GRM7: variants seen among roughly 807,000 people sequenced by gnomAD.
GRM7 encodes the protein glutamate metabotropic receptor 7.
In GRM7, 35 loss-of-function variants were observed where a neutral mutation model predicts 84.5. That is an observed-to-expected ratio of 0.41 (90% CI 0.32 to 0.55). GRM7 has a LOEUF of 0.55. Among genes scored for constraint, GRM7 ranks in the 20% least tolerant of loss-of-function variants. GRM7 has a pLI of 0.19. For missense variants in GRM7, 1,003 were observed against 1,194.6 expected (o/e 0.84, Z 2.36); for synonymous variants, 487 against 455.1 (o/e 1.07, Z -0.89).
At chr3:7,088,977 TGAGAA>T (rs1698561894) in intron 1 of GRM7, among the ~76,000 whole-genome samples, 1 of 152,098 alleles carries the variant, frequency 6.6e-6, no homozygotes, top group Non-Finnish European at 1.5e-5. Context: ...TTGCTCAAGC[TGAGAA>T]GAGAAAAGCC....
chr3:7,379,386 C>T (rs1252408829), intron 4 of GRM7, among the ~76,000 whole-genome samples: 2 of 152,130 alleles, frequency 1.3e-5, no homozygotes, highest in Non-Finnish European at 2.9e-5. Flanking sequence ...AGCCACCATG[C>T]CCAGACTCTT....
In GRM7 at chr3:7,154,441, C is replaced by T. The variant is rs145161077; in HGVS notation, c.736+7773C>T. 2.0e-3 allele frequency among the ~76,000 whole-genome samples: 311 copies of T among 152,206 alleles called. 2 individuals are homozygous for T. Among genetic ancestry groups the T allele is most frequent in the African/African-American group, 7.2e-3 (299 of 41,532 alleles). On this transcript the variant is annotated intron_variant, in intron 2 of 9. Coordinates refer to ENST00000357716, the MANE Select transcript of GRM7 (RefSeq NM_000844.4). ...AAAATAGTGAAAAATCATGTCTCAG[C>T]GATTCCTCCTCATCTCTTCTGCCTG...
intron 1 of GRM7, among the ~76,000 whole-genome samples, chr3:7,079,107 C>T (rs757466678): frequency 2.6e-5 from 4 of 152,028 alleles, no homozygotes; most frequent in African/African-American, 7.2e-5. Flanking sequence ...ATGTTCTCTA[C>T]GTTCATTTAT....
At chr3:6,959,244 G>A (rs1693197022) in intron 1 of GRM7, among the ~76,000 whole-genome samples, 1 of 152,144 alleles carries the variant, frequency 6.6e-6, no homozygotes, top group Non-Finnish European at 1.5e-5. Flanking sequence ...TGCTTTGGTT[G>A]TATGGCTCAT....
At chr3:7,001,123 T>C (rs1694998565) in intron 1 of GRM7, among the ~76,000 whole-genome samples, 2 of 152,194 alleles carry the variant, frequency 1.3e-5, no homozygotes, top group African/African-American at 4.8e-5. Context: ...GAATTTATAA[T>C]CATGCAAAGC....
intron 2 of GRM7, among the ~76,000 whole-genome samples, chr3:7,284,145 A>G (rs1699346087): frequency 6.6e-6 from 1 of 152,150 alleles, no homozygotes; most frequent in African/African-American, 2.4e-5. Flanking sequence ...GAAACACACT[A>G]ATTTTTCAGA....
chr3:7,200,360 G>GT (rs993596967), intron 2 of GRM7, among the ~76,000 whole-genome samples: 4 of 152,194 alleles, frequency 2.6e-5, no homozygotes, highest in African/African-American at 9.7e-5. Flanking sequence ...GGGTTGGGAA[G>GT]TTATGTTTTT....
At chr3:7,595,418 G>T (rs2125066370) in intron 8 of GRM7, among the ~76,000 whole-genome samples, 1 of 152,238 alleles carries the variant, frequency 6.6e-6, no homozygotes, top group Admixed American at 6.5e-5. Context: ...CCTCTTTCTT[G>T]TTTTTGTCAA....
At chr3:6,923,890 T>C (rs564722524) in intron 1 of GRM7, among the ~76,000 whole-genome samples, 5 of 152,350 alleles carry the variant, frequency 3.3e-5, no homozygotes, top group Admixed American at 6.5e-5. Context: ...CTCTTTCTGT[T>C]CACAGACATG....
intron 2 of GRM7, among the ~76,000 whole-genome samples, chr3:7,264,649 G>A (rs11131066): frequency 1 from 152,320 of 152,320 alleles, 76,160 homozygotes; most frequent in Non-Finnish European, 1. Flanking sequence ...GGAGTGCACC[G>A]GTATTCCATA....
chr3:6,873,314 C>T (rs1695193316), intron 1 of GRM7, among the ~76,000 whole-genome samples: 1 of 152,124 alleles, frequency 6.6e-6, no homozygotes, highest in Non-Finnish European at 1.5e-5. Flanking sequence ...CTCAGGTGAT[C>T]CTTTGGTCTT....
chr3:7,231,819 G>A (rs554725483), intron 2 of GRM7, among the ~76,000 whole-genome samples: 111 of 152,262 alleles, frequency 7.3e-4, no homozygotes, highest in African/African-American at 2.6e-3. Flanking sequence ...CAGCTGTAAA[G>A]GTGTCCCCTT....
In GRM7 at chr3:7,740,680, G is replaced by T. The variant is rs75721571; in HGVS notation, c.*274G>T. 7 of 334,308 alleles carry T rather than the reference G, an allele frequency of 2.1e-5. No homozygotes were observed. Among genetic ancestry groups the T allele is most frequent in the Non-Finnish European group, 3.2e-5 (6 of 186,150 alleles). The allele number at this position is 334,308 out of a possible 1,614,324, so 20.7% of individuals were successfully genotyped here. On this transcript the variant is annotated 3_prime_UTR_variant, in exon 10 of 10. Coordinates refer to ENST00000357716, the MANE Select transcript of GRM7 (RefSeq NM_000844.4). ...AAGGGAGTGTTGAAACTCAAGTCCCGCCCTGGCTCTTTAGAATGGACCACT... is the reference window on the plus strand; with the variant it reads ...AAGGGAGTGTTGAAACTCAAGTCCCTCCCTGGCTCTTTAGAATGGACCACT...
intron 8 of GRM7, among the ~76,000 whole-genome samples, chr3:7,678,573 G>A: frequency 6.6e-6 from 1 of 152,164 alleles, no homozygotes; most frequent in Non-Finnish European, 1.5e-5. Context: ...AGGGAAATAT[G>A]AACTTTAAAA....
intron 5 of GRM7, among the ~76,000 whole-genome samples, chr3:7,451,981 C>T (rs992418080): frequency 5.3e-5 from 8 of 152,014 alleles, no homozygotes; most frequent in African/African-American, 9.7e-5. Flanking sequence ...GAGCATTGCA[C>T]GTGATGGAAA....
chr3:7,309,376 C>A (rs922389686), intron 4 of GRM7, among the ~76,000 whole-genome samples: 7 of 152,120 alleles, frequency 4.6e-5, no homozygotes, highest in African/African-American at 1.7e-4. Context: ...TCCCTACAGT[C>A]ATTTGCTTGT....
chr3:7,246,215 C>T (rs533803582), intron 2 of GRM7, among the ~76,000 whole-genome samples: 1 of 152,166 alleles, frequency 6.6e-6, no homozygotes, highest in South Asian at 2.1e-4. Flanking sequence ...ACTCTTCTCC[C>T]CAGGAAATGT....
chr3:7,338,195 A>G (rs571131897), intron 4 of GRM7, among the ~76,000 whole-genome samples: 5 of 152,050 alleles, frequency 3.3e-5, no homozygotes, highest in East Asian at 3.9e-4. Context: ...GGCATTTGCA[A>G]CAACGTGGAT....
intron 7 of GRM7, among the ~76,000 whole-genome samples, chr3:7,514,921 G>A (rs1700323292): frequency 6.6e-6 from 1 of 151,858 alleles, no homozygotes; most frequent in African/African-American, 2.4e-5. Context: ...GGAGTTAGCT[G>A]GATTTTTTTT....
Sources: allele counts gnomAD v4.1 joint callset (sites outside exome capture counted in the v4.1 genomes callset), GRCh38; gene constraint gnomAD v4.1.1; transcripts MANE v1.5; gene names NCBI Gene and HGNC (gene_info 2026-07-23, HGNC 2026-07-21).